The following RAB38 variants were observed in gnomAD, a reference collection of about 807,000 sequenced individuals.
RAB38 encodes the protein ras-related protein Rab-38.
In RAB38, 15 loss-of-function variants were observed where a neutral mutation model predicts 18.4. That is an observed-to-expected ratio of 0.82 (90% CI 0.55 to 1.26). RAB38 has a LOEUF of 1.26. Ranked by LOEUF, RAB38 falls within the 50% of genes most tolerant of loss-of-function variation. RAB38 has a pLI of 0.00. For synonymous variants in RAB38, 101 were observed against 104.4 expected (o/e 0.97, Z 0.20); for missense variants, 294 against 267.4 (o/e 1.10, Z -0.69).
the RAB38 span, among the ~76,000 whole-genome samples, chr11:87,886,012 G>T: frequency 0.036 from 5,513 of 152,016 alleles, 148 homozygotes; most frequent in South Asian, 0.076. Context: ...AGACTTGCTG[G>T]CTCCTTGCTT....
the RAB38 span, among the ~76,000 whole-genome samples, chr11:87,940,654 AAGAG>A: frequency 2.0e-5 from 3 of 151,886 alleles, no homozygotes; most frequent in African/African-American, 7.3e-5. Flanking sequence ...GAAAGAAAGA[AAGAG>A]AAAGAGATGG....
intron 2 of RAB38, among the ~76,000 whole-genome samples, chr11:88,135,280 T>C (rs898845154): frequency 3.9e-5 from 6 of 152,224 alleles, no homozygotes; most frequent in African/African-American, 1.2e-4. Context: ...ATATTACGTT[T>C]ATTTACCATT....
At chr11:87,914,035 G>C in the RAB38 span, among the ~76,000 whole-genome samples, 1 of 152,072 alleles carries the variant, frequency 6.6e-6, no homozygotes, top group Admixed American at 6.6e-5. Context: ...CAGGAATGGA[G>C]TGTTGCTGTA....
At chr11:87,818,689 GT>G in the RAB38 span, among the ~76,000 whole-genome samples, 1 of 152,008 alleles carries the variant, frequency 6.6e-6, no homozygotes, top group Non-Finnish European at 1.5e-5. Context: ...AGACTTACTA[GT>G]TTTTTTAAAA....
At chr11:87,891,997 A>C in the RAB38 span, among the ~76,000 whole-genome samples, 1 of 151,840 alleles carries the variant, frequency 6.6e-6, no homozygotes, top group Non-Finnish European at 1.5e-5. Context: ...TTTTAATGAT[A>C]AGAGGCATAA....
chr11:87,892,691 C>A, the RAB38 span, among the ~76,000 whole-genome samples: 13,737 of 151,822 alleles, frequency 0.09, 937 homozygotes, highest in Admixed American at 0.22. Context: ...ACTTTGTCTA[C>A]TGGCATGATA....
chr11:88,037,236 G>T, the RAB38 span, among the ~76,000 whole-genome samples: 1 of 151,746 alleles, frequency 6.6e-6, no homozygotes, highest in African/African-American at 2.4e-5. Flanking sequence ...ATTTCCATAG[G>T]TTTACCTGTA....
the RAB38 span, among the ~76,000 whole-genome samples, chr11:87,822,233 A>G: frequency 1.3e-5 from 2 of 152,228 alleles, no homozygotes; most frequent in Non-Finnish European, 2.9e-5. Context: ...TACATAAAAA[A>G]TTGTTATTCT....
intron 2 of RAB38, among the ~76,000 whole-genome samples, chr11:88,133,915 G>A (rs373744071): frequency 6.6e-6 from 1 of 152,104 alleles, no homozygotes; most frequent in Admixed American, 6.5e-5. Flanking sequence ...TCCCCTCTCT[G>A]GGGCCTCATT....
At chr11:87,906,698 A>G in the RAB38 span, among the ~76,000 whole-genome samples, 34 of 152,102 alleles carry the variant, frequency 2.2e-4, no homozygotes, top group African/African-American at 8.2e-4. Flanking sequence ...TCTGAGAGGT[A>G]ACATGATCAA....
chr11:87,807,615 G>A, the RAB38 span, among the ~76,000 whole-genome samples: 2 of 152,076 alleles, frequency 1.3e-5, no homozygotes, highest in African/African-American at 4.8e-5. Flanking sequence ...AACACAAAAA[G>A]CAAAAGGGAC....
chr11:87,836,530 C>T, the RAB38 span, among the ~76,000 whole-genome samples: 9,109 of 152,176 alleles, frequency 0.06, 375 homozygotes, highest in Non-Finnish European at 0.084. Flanking sequence ...ATACCATCAT[C>T]TCTCCCCAAA....
chr11:88,075,814 G>T, the RAB38 span, among the ~76,000 whole-genome samples: 1 of 151,778 alleles, frequency 6.6e-6, no homozygotes, highest in Non-Finnish European at 1.5e-5. Flanking sequence ...GCAGGAGTCG[G>T]AGGTTGCAGT....
the RAB38 span, among the ~76,000 whole-genome samples, chr11:88,058,844 A>C: frequency 6.6e-5 from 10 of 152,188 alleles, no homozygotes; most frequent in East Asian, 1.7e-3. Flanking sequence ...ACATCAAGAC[A>C]TTAAATATTC....
At chr11:88,003,757 ATAATATATTGT>A in the RAB38 span, among the ~76,000 whole-genome samples, 39 of 13,086 alleles carry the variant, frequency 3.0e-3, 3 homozygotes, top group African/African-American at 0.013. Context: ...TATAATATAT[ATAATATATTGT>A]ATATATTATA....
the RAB38 span, among the ~76,000 whole-genome samples, chr11:87,945,470 G>A: frequency 6.6e-6 from 1 of 152,092 alleles, no homozygotes; most frequent in East Asian, 1.9e-4. Context: ...TTTTGACAAC[G>A]GGGTTGTCAG....
the RAB38 span, among the ~76,000 whole-genome samples, chr11:88,042,965 C>G: frequency 1.1e-4 from 17 of 152,140 alleles, no homozygotes; most frequent in African/African-American, 3.9e-4. Flanking sequence ...CAACAAGTAC[C>G]TGAAACACCC....
chr11:87,952,776 T>G, the RAB38 span, among the ~76,000 whole-genome samples: 2 of 152,204 alleles, frequency 1.3e-5, no homozygotes, highest in African/African-American at 4.8e-5. Context: ...CTTCCAGGAC[T>G]TTTTGTCTTT....
At chr11:88,033,471 T>C in the RAB38 span, among the ~76,000 whole-genome samples, 8 of 152,164 alleles carry the variant, frequency 5.3e-5, no homozygotes, top group Non-Finnish European at 1.0e-4. Context: ...ACCCAAATTT[T>C]CATGATTCAT....
Sources: allele counts gnomAD v4.1 joint callset (sites outside exome capture counted in the v4.1 genomes callset), GRCh38; gene constraint gnomAD v4.1.1; transcripts MANE v1.5; gene names NCBI Gene and HGNC (gene_info 2026-07-23, HGNC 2026-07-21).